AGBL4: variants seen among roughly 807,000 people sequenced by gnomAD.
AGBL4 encodes cytosolic carboxypeptidase 6.
Under a neutral mutation model 66.4 loss-of-function variants are expected in AGBL4, and 58 were observed. The observed-to-expected ratio is 0.87, with a 90% CI of 0.71 to 1.09. The LOEUF (loss-of-function observed/expected upper bound fraction) is 1.09. AGBL4 is among the 50% of genes least tolerant of loss of function. The pLI, the probability that AGBL4 is intolerant of heterozygous loss-of-function variation, is 0.00. For missense variants in AGBL4, 579 were observed against 631.0 expected, an observed-to-expected ratio of 0.92 and a Z score of 0.88; for synonymous variants, 234 against 222.9, an observed-to-expected ratio of 1.05 and a Z score of -0.44.
At chr1:49,373,771 A>T (rs1198894766) in intron 3 of AGBL4, among the ~76,000 whole-genome samples, 4 of 152,018 alleles carry the variant, frequency 2.6e-5, no homozygotes, top group Non-Finnish European at 5.9e-5. Context: ...AGACACTATT[A>T]AAAAAATATC....
At chr1:49,737,999 C>T (rs981538774) in intron 2 of AGBL4, among the ~76,000 whole-genome samples, 6 of 151,566 alleles carry the variant, frequency 4.0e-5, no homozygotes, top group South Asian at 2.1e-4. Context: ...GTGCACCGAG[C>T]GTGAGCATTT....
At chr1:49,656,752 A>G (rs558879681) in intron 3 of AGBL4, among the ~76,000 whole-genome samples, 7 of 152,308 alleles carry the variant, frequency 4.6e-5, no homozygotes, top group South Asian at 4.1e-4. Context: ...CCAAAGACAA[A>G]AACCACACGA....
chr1:49,479,141 T>C (rs2148723396), intron 3 of AGBL4, among the ~76,000 whole-genome samples: 1 of 152,104 alleles, frequency 6.6e-6, no homozygotes, highest in East Asian at 1.9e-4. Context: ...TTGTCAATAA[T>C]AACACTAGAA....
At chr1:49,542,390 G>A (rs1172397372) in intron 3 of AGBL4, among the ~76,000 whole-genome samples, 1 of 152,204 alleles carries the variant, frequency 6.6e-6, no homozygotes, top group Non-Finnish European at 1.5e-5. Context: ...CTGAGCCAGC[G>A]AGACCACGAA....
intron 5 of AGBL4, among the ~76,000 whole-genome samples, chr1:48,936,761 T>C (rs922255376): frequency 1.5e-4 from 23 of 152,334 alleles, no homozygotes; most frequent in Admixed American, 7.2e-4. Context: ...ATTTATTTCA[T>C]ATTATCAGAA....
intron 5 of AGBL4, among the ~76,000 whole-genome samples, chr1:48,930,005 TG>T (rs1654906371): frequency 1.3e-5 from 2 of 152,130 alleles, no homozygotes; most frequent in African/African-American, 4.8e-5. Flanking sequence ...TTAAATATAT[TG>T]ATCTATAACT....
At chr1:48,542,882 C>T (rs1275142241) in intron 11 of AGBL4, among the ~76,000 whole-genome samples, 1 of 152,158 alleles carries the variant, frequency 6.6e-6, no homozygotes, top group Admixed American at 6.5e-5. Flanking sequence ...GTTGCCATTG[C>T]TTTTGGTGTT....
chr1:48,527,135 T>G, the AGBL4 span, among the ~76,000 whole-genome samples: 3 of 152,088 alleles, frequency 2.0e-5, no homozygotes, highest in Non-Finnish European at 4.4e-5. Context: ...AATTTTCGAT[T>G]TGAGATTTTG....
chr1:49,840,665 T>C (rs1450268184), intron 2 of AGBL4, among the ~76,000 whole-genome samples: 1 of 152,174 alleles, frequency 6.6e-6, no homozygotes, highest in African/African-American at 2.4e-5. Context: ...AAAAAGCTAA[T>C]TCACCACAAT....
chr1:49,645,061 A>G (rs751051504), intron 3 of AGBL4, among the ~76,000 whole-genome samples: 17 of 151,616 alleles, frequency 1.1e-4, no homozygotes, highest in African/African-American at 4.8e-5. Flanking sequence ...CATAAATAAA[A>G]TTAGTATTTT....
intron 11 of AGBL4, among the ~76,000 whole-genome samples, chr1:48,581,731 C>T (rs747305115): frequency 6.6e-6 from 1 of 152,158 alleles, no homozygotes; most frequent in African/African-American, 2.4e-5. Context: ...ACTATATGCC[C>T]GGTGATTTAT....
intron 11 of AGBL4, among the ~76,000 whole-genome samples, chr1:48,561,085 A>C (rs1194957585): frequency 6.6e-6 from 1 of 152,254 alleles, no homozygotes; most frequent in African/African-American, 2.4e-5. Context: ...TATCACTCCA[A>C]AATTCTCTAC....
intron 3 of AGBL4, among the ~76,000 whole-genome samples, chr1:49,554,637 C>T (rs1452822644): frequency 6.6e-6 from 1 of 152,144 alleles, no homozygotes; most frequent in Non-Finnish European, 1.5e-5. Context: ...TCAATTGTCC[C>T]GCCCACAAAT....
chr1:49,132,751 G>A (rs1239517726), intron 4 of AGBL4, among the ~76,000 whole-genome samples: 1 of 152,186 alleles, frequency 6.6e-6, no homozygotes, highest in Non-Finnish European at 1.5e-5. Flanking sequence ...AGATGCTGGT[G>A]AGGATGTGGA....
chr1:49,741,963 T>C (rs1201168863), intron 2 of AGBL4, among the ~76,000 whole-genome samples: 1 of 152,038 alleles, frequency 6.6e-6, no homozygotes, highest in Non-Finnish European at 1.5e-5. Context: ...GGGCAAAAAC[T>C]GGAAGCATTC....
intron 2 of AGBL4, chr1:49,845,275 C>G (rs1646110247): frequency 6.4e-7 from 1 of 1,559,066 alleles, no homozygotes; most frequent in Non-Finnish European, 8.8e-7. Flanking sequence ...GACCTTCAAC[C>G]AAATTGCCCC....
Position 49,494,885 on chromosome 1 carries a change from C to T in AGBL4, c.282+202428G>A, listed in dbSNP as rs190474709. 8.0e-3 allele frequency among the ~76,000 whole-genome samples: 1,217 copies of T among 152,018 alleles called. 12 individuals are homozygous for T. The highest frequency in any genetic ancestry group is 0.031 in the Middle Eastern group (9 of 294). ...CCAATGGTTGAACTAGTTTACAGTC[C>T]CACCAACAGTGTAAAAGTGTTCCTA... On this transcript the variant is annotated intron_variant, in intron 3 of 13. Coordinates refer to ENST00000371839, the MANE Select transcript of AGBL4 (RefSeq NM_032785.4).
intron 6 of AGBL4, among the ~76,000 whole-genome samples, chr1:48,711,374 G>A (rs1238185527): frequency 6.6e-6 from 1 of 152,186 alleles, no homozygotes; most frequent in African/African-American, 2.4e-5. Context: ...GAGCCTGTCA[G>A]TTCCCATCTG....
intron 3 of AGBL4, among the ~76,000 whole-genome samples, chr1:49,561,711 T>C (rs1328963033): frequency 6.6e-6 from 1 of 152,168 alleles, no homozygotes; most frequent in Non-Finnish European, 1.5e-5. Flanking sequence ...CTATCATTGT[T>C]GGATATTTGG....
Sources: gnomAD v4.1 joint callset for allele counts (sites outside exome capture counted in the v4.1 genomes callset) on GRCh38, gnomAD v4.1.1 for gene constraint, MANE v1.5 for transcripts, NCBI Gene and HGNC (gene_info 2026-07-23, HGNC 2026-07-21) for gene names.